The following NSMCE4A variants were observed in gnomAD, a reference collection of about 807,000 sequenced individuals.
NSMCE4A encodes non-structural maintenance of chromosomes element 4 homolog A.
A neutral mutation model predicts 47.9 loss-of-function variants in NSMCE4A; 40 were observed. The ratio of observed to expected loss-of-function variants is 0.83; its 90% CI spans 0.65 to 1.09. The LOEUF (loss-of-function observed/expected upper bound fraction) is 1.09, where lower values mean the gene tolerates loss of function less well. NSMCE4A is among the 50% of genes least tolerant of loss of function. The pLI, the probability that NSMCE4A is intolerant of heterozygous loss-of-function variation, is 0.00. For missense variants in NSMCE4A, 500 were observed against 507.0 expected (o/e 0.99, Z 0.13); for synonymous variants, 166 against 178.5 (o/e 0.93, Z 0.56).
chr10:121,975,071 G>A lies in NSMCE4A; in HGVS notation c.95C>T (p.Ser32Phe). ...DRTRSRSRSR[S>F]PLSPRSRRGS... Reference sequence around the variant, plus strand: ...GCGGCGGGACCTGGGCGACAAAGGGGACCGCGAGCGGGAGCGGGAGCGGGT... The same window carrying A: ...GCGGCGGGACCTGGGCGACAAAGGGAACCGCGAGCGGGAGCGGGAGCGGGT... The change falls in exon 1 of 11, where the codon TCC (serine) becomes TTC (phenylalanine). Residue 32 changes from serine to phenylalanine, a missense_variant. Transcript: ENST00000369023. 4 of 1,449,316 alleles carry A rather than the reference G, an allele frequency of 2.8e-6. No homozygotes were observed. The South Asian group carries it at 5.5e-5, about 20-fold the overall frequency. The allele number at this position is 1,449,316 out of a possible 1,614,324, so 89.8% of individuals were successfully genotyped here.
chr10:121,964,964 G>T (rs1335117734), intron 5 of NSMCE4A, among the ~76,000 whole-genome samples: 1 of 152,128 alleles, frequency 6.6e-6, no homozygotes, highest in Non-Finnish European at 1.5e-5. Context: ...GCATATAACA[G>T]GTAGAGGCTG....
chr10:121,960,437 C>A lies in NSMCE4A; in HGVS notation c.940-31G>T. 1 of 1,493,742 alleles carries A rather than the reference C, an allele frequency of 6.7e-7. No homozygotes were observed. The allele number at this position is 1,493,742 out of a possible 1,614,324, so 92.5% of individuals were successfully genotyped here. On this transcript the variant is annotated intron_variant, in intron 7 of 10. Transcript: ENST00000369023. The surrounding 1 kb of genome is among the most constrained non-coding windows in gnomAD (Gnocchi z 4.2). ...ACGAAAACATGATTTTAGGAGAAGA[C>A]AAACATTTAAGACTCAAACCTATAC... is the stretch of plus-strand genomic sequence containing the variant.
At chr10:121,964,021 A>AGCAGGC (rs1417972717) in intron 5 of NSMCE4A, among the ~76,000 whole-genome samples, 11 of 141,678 alleles carry the variant, frequency 7.8e-5, no homozygotes, top group African/African-American at 2.9e-4. Context: ...GCTTGAACCC[A>AGCAGGC]GCAGGCGGAG....
In NSMCE4A at chr10:121,967,812, A is replaced by G. The variant is rs200130083; in HGVS notation, c.502-6T>C. On this transcript the variant is annotated splice_polypyrimidine_tract_variant and splice_region_variant and intron_variant, in intron 3 of 10. Coordinates refer to ENST00000369023, the MANE Select transcript of NSMCE4A (RefSeq NM_017615.3). ...TTTACACCCATATGTGTGAGCTACA[A>G]AAATGAAGGAAAACAAAAAACCCAG... The G allele has an allele frequency of 3.8e-5, 61 of 1,594,450 alleles. No homozygotes were observed. In the African/African-American group the frequency reaches 5.6e-4, roughly 15 times the overall value.
chr10:121,970,533 A>T (rs1192900192), intron 3 of NSMCE4A, among the ~76,000 whole-genome samples: 1 of 151,732 alleles, frequency 6.6e-6, no homozygotes, highest in African/African-American at 2.4e-5. Context: ...GTTTTGAAAT[A>T]TTCTCAAAGA....
At chr10:121,958,642 G>C (rs1366915384) in intron 10 of NSMCE4A, among the ~76,000 whole-genome samples, 1 of 152,140 alleles carries the variant, frequency 6.6e-6, no homozygotes, top group Non-Finnish European at 1.5e-5. Context: ...TGGGTATGGT[G>C]ACTCATACCT....
chr10:121,959,011 TAC>T (rs1483057020), intron 10 of NSMCE4A, among the ~76,000 whole-genome samples: 1 of 152,114 alleles, frequency 6.6e-6, no homozygotes, highest in Non-Finnish European at 1.5e-5. Context: ...GATGGGGTTT[TAC>T]CATGTTGGTC....
At chr10:121,961,335 T>C in intron 7 of NSMCE4A, 88 bp downstream of exon 7, 6 of 847,886 alleles carry the variant, frequency 7.1e-6, no homozygotes, top group Non-Finnish European at 1.1e-5. Flanking sequence ...TGTATACAGA[T>C]ACCTTTGCCA....
Position 121,974,176 on chromosome 10 carries a change from G to A in NSMCE4A, c.293-95C>T, listed in dbSNP as rs1255302953. 33 of 1,361,254 alleles carry A rather than the reference G, an allele frequency of 2.4e-5. No individual in the cohort carries two copies. In the Admixed American group the frequency reaches 4.7e-4, roughly 19 times the overall value. The allele number at this position is 1,361,254 out of a possible 1,614,324, so 84.3% of individuals were successfully genotyped here. On this transcript the variant is annotated intron_variant, in intron 1 of 10. Coordinates refer to ENST00000369023, the MANE Select transcript of NSMCE4A (RefSeq NM_017615.3). ...ACCTGCAACAGTAAAGCCAAGCCCC[G>A]GCCCCTGCGCTCTGAGTAATTACTT...
chr10:121,960,469 G>T lies in NSMCE4A; in HGVS notation c.940-63C>A. On this transcript the variant is annotated intron_variant, in intron 7 of 10. Transcript: ENST00000369023. This position sits in a 1 kb window ranked among gnomAD's most constrained non-coding sequence, Gnocchi z 4.2. Reference sequence around the variant, plus strand: ...TTAAGACTCAAACCTATACGCACTAGATGGAAAAAATTACTCAGAAAATTC... The same window carrying T: ...TTAAGACTCAAACCTATACGCACTATATGGAAAAAATTACTCAGAAAATTC... The T allele has an allele frequency of 8.2e-7, 1 of 1,224,488 alleles. No individual in the cohort carries two copies. The highest frequency in any genetic ancestry group is 1.6e-5 in the South Asian group (1 of 61,878). 75.9% of individuals were successfully genotyped at this position (1,224,488 alleles called of 1,614,324 possible). A position where few individuals can be genotyped will look rare whatever the true frequency, so the allele number is the denominator to read the frequency against.
chr10:121,974,109 A>T (rs746472048), intron 1 of NSMCE4A, 28 bp from the exon 2 acceptor site: 4 of 1,559,926 alleles, frequency 2.6e-6, no homozygotes, highest in South Asian at 1.2e-5. Flanking sequence ...AACTTTGGGA[A>T]ATTTGTTCAG....
intron 10 of NSMCE4A, among the ~76,000 whole-genome samples, 163 bp from the exon 11 acceptor site, chr10:121,957,422 CTTT>C (rs1368668846): frequency 2.5e-5 from 3 of 117,770 alleles, no homozygotes; most frequent in African/African-American, 6.3e-5. Context: ...TTCCCTTCTT[CTTT>C]TTTCTTTTTT....
chr10:121,974,153 C>T, intron 1 of NSMCE4A, 72 bp from the exon 2 acceptor site: 1 of 1,392,104 alleles, frequency 7.2e-7, no homozygotes, highest in Non-Finnish European at 1.0e-6. Flanking sequence ...AGGTTATCAC[C>T]TGCAACAGTA....
intron 3 of NSMCE4A, 46 bp downstream of exon 3, chr10:121,970,886 TTATAATA>T (rs1952695101): frequency 6.9e-7 from 1 of 1,459,140 alleles, no homozygotes; most frequent in Non-Finnish European, 9.3e-7. Context: ...CAGTAAATAA[TTATAATA>T]TATAACAGAA....
At chr10:121,958,635 G>T (rs1039755495) in intron 10 of NSMCE4A, among the ~76,000 whole-genome samples, 4 of 152,142 alleles carry the variant, frequency 2.6e-5, no homozygotes, top group African/African-American at 9.7e-5. Flanking sequence ...CAGCAGCTGG[G>T]TATGGTGACT....
chr10:121,969,140 C>T (rs1396166880), intron 3 of NSMCE4A, among the ~76,000 whole-genome samples: 2 of 152,138 alleles, frequency 1.3e-5, no homozygotes, highest in Admixed American at 6.6e-5. Context: ...GTCAGGAGTT[C>T]GAGGCCAGCC....
chr10:121,974,415 T>G, intron 1 of NSMCE4A: 1 of 1,033,500 alleles, frequency 9.7e-7, no homozygotes, highest in Non-Finnish European at 1.2e-6. Flanking sequence ...CACTCCACAG[T>G]TGCGCGGACC....
chr10:121,961,738 T>C (rs1952502510), intron 6 of NSMCE4A: 2 of 436,590 alleles, frequency 4.6e-6, no homozygotes, highest in Admixed American at 4.2e-5. Context: ...GAAATACAAG[T>C]GTAACTGCAC....
intron 10 of NSMCE4A, among the ~76,000 whole-genome samples, chr10:121,958,039 C>T (rs1226138154): frequency 2.0e-5 from 3 of 151,894 alleles, no homozygotes; most frequent in South Asian, 2.1e-4. Context: ...ACCAGCCTGA[C>T]CAACATGGTG....
Sources: gnomAD v4.1 joint callset for allele counts (sites outside exome capture counted in the v4.1 genomes callset) on GRCh38, gnomAD v4.1.1 for gene constraint, Gnocchi (gnomAD v3.1) non-coding constraint, MANE v1.5 for transcripts, NCBI Gene and HGNC (gene_info 2026-07-23, HGNC 2026-07-21) for gene names.